The following MFHAS1 variants were observed in gnomAD, a reference collection of about 807,000 sequenced individuals.
MFHAS1 encodes the protein malignant fibrous histiocytoma-amplified sequence 1.
A neutral mutation model predicts 70.4 loss-of-function variants in MFHAS1; 50 were observed. That is an observed-to-expected ratio of 0.71 (90% CI 0.57 to 0.90). The LOEUF is 0.90. Among genes scored for constraint, MFHAS1 ranks in the 40% least tolerant of loss-of-function variants. The probability of loss-of-function intolerance (pLI) is 0.00; values close to 1 mark genes in which losing one functional copy is unlikely to be tolerated. For missense variants in MFHAS1, 1,795 were observed against 1,347.6 expected (o/e 1.33, Z -5.20); for synonymous variants, 952 against 620.0 (o/e 1.54, Z -7.96).
At chr8:8,868,767 G>A (rs1163893578) in intron 1 of MFHAS1, among the ~76,000 whole-genome samples, 1 of 152,120 alleles carries the variant, frequency 6.6e-6, no homozygotes, top group African/African-American at 2.4e-5. Flanking sequence ...AAATGACTAT[G>A]CAACCTTACA....
chr8:8,792,172 G>T (rs1163907987), intron 2 of MFHAS1, among the ~76,000 whole-genome samples: 3 of 152,178 alleles, frequency 2.0e-5, no homozygotes, highest in African/African-American at 7.2e-5. Flanking sequence ...AGGGGGCAGA[G>T]GTTGCAGTGA....
chr8:8,823,809 G>T (rs1045449806), intron 1 of MFHAS1, among the ~76,000 whole-genome samples: 2 of 144,260 alleles, frequency 1.4e-5, no homozygotes, highest in Non-Finnish European at 3.0e-5. Flanking sequence ...GATAGTGGGG[G>T]CTGAGAAAAG....
At chr8:8,823,922 T>TA (rs1206765675) in intron 1 of MFHAS1, among the ~76,000 whole-genome samples, 2 of 127,776 alleles carry the variant, frequency 1.6e-5, no homozygotes, top group African/African-American at 5.8e-5. Context: ...AAAGGCCTGT[T>TA]ACGCAGTTCT....
chr8:8,860,681 G>C (rs1448817923), intron 1 of MFHAS1, among the ~76,000 whole-genome samples: 1 of 152,156 alleles, frequency 6.6e-6, no homozygotes, highest in Non-Finnish European at 1.5e-5. Flanking sequence ...GCCTCACTTA[G>C]GACTGAGGGC....
chr8:8,859,140 G>A (rs1023975604), intron 1 of MFHAS1, among the ~76,000 whole-genome samples: 3 of 152,200 alleles, frequency 2.0e-5, no homozygotes, highest in Non-Finnish European at 2.9e-5. Context: ...ATCACTTGAG[G>A]TCAGGAGTTC....
At chr8:8,837,381 G>A (rs1319329406) in intron 1 of MFHAS1, among the ~76,000 whole-genome samples, 1 of 152,100 alleles carries the variant, frequency 6.6e-6, no homozygotes, top group East Asian at 1.9e-4. Flanking sequence ...AGTGGCTCAC[G>A]CCTAATCTCA....
chr8:8,807,431 C>T, intron 1 of MFHAS1, among the ~76,000 whole-genome samples: 1 of 152,148 alleles, frequency 6.6e-6, no homozygotes, highest in Non-Finnish European at 1.5e-5. Context: ...CTCAAAAGAG[C>T]TGTCTACATT....
At chr8:8,889,707 T>TA (rs988780793) in intron 1 of MFHAS1, among the ~76,000 whole-genome samples, 46 of 152,342 alleles carry the variant, frequency 3.0e-4, no homozygotes, top group African/African-American at 1.1e-3. Flanking sequence ...CAACGATCAG[T>TA]AAGAGGCTAA....
chr8:8,888,541 A>AC (rs1563222181), intron 1 of MFHAS1, among the ~76,000 whole-genome samples: 84 of 149,552 alleles, frequency 5.6e-4, no homozygotes, highest in South Asian at 1.7e-3. Context: ...CACACACACA[A>AC]AAACAGTTGT....
chr8:8,872,428 G>A (rs1027907213), intron 1 of MFHAS1, among the ~76,000 whole-genome samples: 3 of 152,158 alleles, frequency 2.0e-5, no homozygotes, highest in African/African-American at 7.2e-5. Flanking sequence ...CTTCCTTCAT[G>A]CGGACCACCT....
chr8:8,812,461 C>G (rs994236318), intron 1 of MFHAS1, among the ~76,000 whole-genome samples: 1 of 152,146 alleles, frequency 6.6e-6, no homozygotes, highest in Non-Finnish European at 1.5e-5. Context: ...CTCCTGGCAC[C>G]ACAGCCTGGA....
At chr8:8,801,625 C>G (rs945852546) in intron 1 of MFHAS1, among the ~76,000 whole-genome samples, 1 of 152,198 alleles carries the variant, frequency 6.6e-6, no homozygotes, top group African/African-American at 2.4e-5. Flanking sequence ...TGTGTGCTAT[C>G]TAGCAAAACA....
chr8:8,794,910 T>G (rs564247851), intron 2 of MFHAS1, among the ~76,000 whole-genome samples: 1 of 152,256 alleles, frequency 6.6e-6, no homozygotes, highest in Admixed American at 6.5e-5. Context: ...GCTGATAACA[T>G]TTTTTTCAGG....
intron 1 of MFHAS1, among the ~76,000 whole-genome samples, chr8:8,840,574 A>G (rs1046590030): frequency 3.3e-5 from 5 of 152,172 alleles, no homozygotes; most frequent in African/African-American, 1.2e-4. Context: ...CGACCCGGTA[A>G]TGACATACCA....
At chr8:8,879,240 T>C (rs932457344) in intron 1 of MFHAS1, among the ~76,000 whole-genome samples, 21 of 151,908 alleles carry the variant, frequency 1.4e-4, no homozygotes, top group African/African-American at 5.1e-4. Context: ...TAGTCCCAGC[T>C]AGTTGGGAGA....
chr8:8,863,706 T>C (rs2116894088), intron 1 of MFHAS1, among the ~76,000 whole-genome samples: 1 of 152,258 alleles, frequency 6.6e-6, no homozygotes, highest in Middle Eastern at 3.4e-3. Context: ...CATGGCCTGT[T>C]TTCACTAAGA....
intron 1 of MFHAS1, among the ~76,000 whole-genome samples, chr8:8,823,396 G>A (rs1321714084): frequency 1.3e-5 from 2 of 152,092 alleles, no homozygotes; most frequent in East Asian, 1.9e-4. Flanking sequence ...GGGGCCCCGC[G>A]CTCCGATCCT....
At chr8:8,844,390 T>C (rs1807950523) in intron 1 of MFHAS1, among the ~76,000 whole-genome samples, 1 of 152,242 alleles carries the variant, frequency 6.6e-6, no homozygotes. Flanking sequence ...TCCAGACTTC[T>C]TCAAAACATG....
At chr8:8,831,707 C>A (rs1807394867) in intron 1 of MFHAS1, among the ~76,000 whole-genome samples, 1 of 151,742 alleles carries the variant, frequency 6.6e-6, no homozygotes, top group Admixed American at 6.6e-5. Context: ...CTCCCAGGTT[C>A]AAGCGATTCT....
Sources: allele counts gnomAD v4.1 joint callset (sites outside exome capture counted in the v4.1 genomes callset), GRCh38; gene constraint gnomAD v4.1.1; transcripts MANE v1.5; gene names NCBI Gene and HGNC (gene_info 2026-07-23, HGNC 2026-07-21).